The following LINGO2 variants were observed in gnomAD, a reference collection of about 807,000 sequenced individuals.
LINGO2 encodes leucine rich repeat and Ig domain containing 2, also known as leucine-rich repeat and immunoglobulin-like domain-containing nogo receptor-interacting protein 2.
A neutral mutation model predicts 30.6 loss-of-function variants in LINGO2; 14 were observed. That is an observed-to-expected ratio of 0.46 (90% CI 0.30 to 0.72). The LOEUF (loss-of-function observed/expected upper bound fraction) is 0.72. Among genes scored for constraint, LINGO2 ranks in the 30% least tolerant of loss-of-function variants. The pLI is 0.07. For missense variants in LINGO2, 729 were observed against 751.7 expected (o/e 0.97, Z 0.35); for synonymous variants, 317 against 288.5 (o/e 1.10, Z -1.00).
chr9:28,461,219 T>A (rs1825067013), intron 2 of LINGO2, among the ~76,000 whole-genome samples: 2 of 152,166 alleles, frequency 1.3e-5, no homozygotes, highest in East Asian at 3.9e-4. Flanking sequence ...CGGATGGGCT[T>A]TTTGAAACAT....
At chr9:29,081,965 G>A in the LINGO2 span, among the ~76,000 whole-genome samples, 1 of 152,090 alleles carries the variant, frequency 6.6e-6, no homozygotes, top group South Asian at 2.1e-4. Context: ...CATGCTCATG[G>A]GTAGGAAGAA....
intron 3 of LINGO2, among the ~76,000 whole-genome samples, chr9:28,323,937 C>T (rs1033586196): frequency 3.3e-5 from 5 of 152,164 alleles, no homozygotes; most frequent in Admixed American, 2.6e-4. Flanking sequence ...GGTAGGTTAA[C>T]GAAGCAATCC....
intron 1 of LINGO2, among the ~76,000 whole-genome samples, chr9:28,625,064 G>A (rs562427189): frequency 3.9e-5 from 6 of 152,044 alleles, no homozygotes; most frequent in African/African-American, 1.4e-4. Context: ...AGGAATTTCA[G>A]ACCTTGTGTT....
the LINGO2 span, among the ~76,000 whole-genome samples, chr9:28,800,273 G>A: frequency 3.3e-5 from 5 of 151,976 alleles, no homozygotes; most frequent in African/African-American, 9.7e-5. Flanking sequence ...AGTTGAACTC[G>A]ATTTTCTTTC....
At chr9:27,984,713 C>T (rs747225332) in intron 5 of LINGO2, among the ~76,000 whole-genome samples, 1 of 151,648 alleles carries the variant, frequency 6.6e-6, no homozygotes, top group East Asian at 1.9e-4. Flanking sequence ...ATTTTATATT[C>T]TAGAAGCAGA....
chr9:28,994,919 G>A, the LINGO2 span, among the ~76,000 whole-genome samples: 3 of 152,086 alleles, frequency 2.0e-5, no homozygotes, highest in African/African-American at 7.2e-5. Flanking sequence ...AAAAACCCTA[G>A]AAGAAAACCT....
intron 5 of LINGO2, among the ~76,000 whole-genome samples, chr9:27,968,554 A>G (rs903927260): frequency 2.6e-5 from 4 of 152,018 alleles, no homozygotes; most frequent in African/African-American, 7.2e-5. Context: ...AGATTGTGCT[A>G]TAGGTATTAG....
intron 2 of LINGO2, among the ~76,000 whole-genome samples, chr9:28,382,580 G>A (rs1282892796): frequency 6.6e-6 from 1 of 151,966 alleles, no homozygotes; most frequent in African/African-American, 2.4e-5. Context: ...TCTCATGGGG[G>A]GCCATTCACA....
intron 1 of LINGO2, among the ~76,000 whole-genome samples, chr9:28,651,191 AAAAAG>A (rs1828088421): frequency 6.6e-6 from 1 of 152,098 alleles, no homozygotes; most frequent in Non-Finnish European, 1.5e-5. Flanking sequence ...TCAAAAAAAA[AAAAAG>A]AAAATTATGG....
At chr9:28,932,107 A>AAAAAATAAAAT in the LINGO2 span, among the ~76,000 whole-genome samples, 1 of 107,564 alleles carries the variant, frequency 9.3e-6, no homozygotes, top group Non-Finnish European at 1.8e-5. Flanking sequence ...ACTCTGACAA[A>AAAAAATAAAAT]AAAATAAAAT....
At position 28,387,871 on chromosome 9, in the gene LINGO2, C is replaced by T. The variant is rs1330944527; in HGVS notation, c.-278-15003G>A. The stretch of plus-strand genomic sequence containing the variant: ...CACCAGAAGGAAGAAACTCCAGACA[C>T]GTCTGAACATCAGAAGGAACAAACT... On this transcript the variant is annotated intron_variant, in intron 2 of 5. Coordinates refer to ENST00000379992, the Ensembl canonical transcript of LINGO2. 5.3e-5 allele frequency among the ~76,000 whole-genome samples: 8 copies of T among 152,074 alleles called. No homozygotes were observed. In the South Asian group the frequency reaches 8.3e-4, roughly 16 times the overall value.
chr9:27,943,351 T>C (rs1048095783), downstream of LINGO2: 2 of 149,594 alleles, frequency 1.3e-5, no homozygotes, highest in African/African-American at 4.8e-5. Context: ...TGCATTTTTG[T>C]TGTCTTCTAA....
intron 2 of LINGO2, among the ~76,000 whole-genome samples, chr9:28,400,231 T>G (rs1391362003): frequency 2.6e-5 from 4 of 152,184 alleles, no homozygotes; most frequent in African/African-American, 9.7e-5. Flanking sequence ...TCAGAAGAAC[T>G]TGGATCCAAG....
At chr9:28,624,783 G>A (rs1320035678) in intron 1 of LINGO2, among the ~76,000 whole-genome samples, 2 of 151,212 alleles carry the variant, frequency 1.3e-5, no homozygotes, top group African/African-American at 4.9e-5. Context: ...TGGGAACTAG[G>A]GCCTAGAATG....
intron 1 of LINGO2, among the ~76,000 whole-genome samples, chr9:28,572,754 C>T (rs1031898955): frequency 7.2e-5 from 11 of 151,996 alleles, no homozygotes; most frequent in Non-Finnish European, 1.2e-4. Context: ...AACTACTCCG[C>T]GTATATTAGA....
chr9:28,237,323 T>C (rs919379315), intron 4 of LINGO2, among the ~76,000 whole-genome samples: 37 of 151,616 alleles, frequency 2.4e-4, no homozygotes, highest in African/African-American at 8.7e-4. Context: ...AATTAAAGCA[T>C]ACCACCAGAG....
intron 1 of LINGO2, among the ~76,000 whole-genome samples, chr9:28,556,580 T>C (rs1239446541): frequency 6.6e-6 from 1 of 152,070 alleles, no homozygotes; most frequent in Non-Finnish European, 1.5e-5. Context: ...CCTAAGGTCA[T>C]TTACAGATTC....
At chr9:28,422,599 T>C (rs958502855) in intron 2 of LINGO2, among the ~76,000 whole-genome samples, 1 of 152,098 alleles carries the variant, frequency 6.6e-6, no homozygotes, top group African/African-American at 2.4e-5. Context: ...ACAGCTGCAA[T>C]GCAAAATATA....
the LINGO2 span, among the ~76,000 whole-genome samples, chr9:28,947,975 G>A: frequency 1.3e-5 from 2 of 151,988 alleles, no homozygotes; most frequent in East Asian, 1.9e-4. Context: ...GCTTCTTTCA[G>A]TAGTGCTCAG....
Sources: allele counts gnomAD v4.1 joint callset (sites outside exome capture counted in the v4.1 genomes callset), GRCh38; gene constraint gnomAD v4.1.1; transcripts MANE v1.5; gene names NCBI Gene and HGNC (gene_info 2026-07-23, HGNC 2026-07-21).